The following STPG2 variants were observed in gnomAD, a reference collection of about 807,000 sequenced individuals.
The protein encoded by STPG2 is sperm-tail PG-rich repeat-containing protein 2.
Under a neutral mutation model 54.2 loss-of-function variants are expected in STPG2, and 56 were observed. The ratio of observed to expected loss-of-function variants is 1.03; its 90% CI spans 0.83 to 1.29. STPG2 has a LOEUF of 1.29. Ranked by LOEUF, STPG2 falls within the 50% of genes most tolerant of loss-of-function variation. STPG2 has a pLI of 0.00. For synonymous variants in STPG2, 200 were observed against 181.8 expected (o/e 1.10, Z -0.81); for missense variants, 596 against 544.9 (o/e 1.09, Z -0.93).
chr4:97,916,374 GC>G (rs1731875614), intron 8 of STPG2: 1 of 152,582 alleles, frequency 6.6e-6, no homozygotes, highest in Non-Finnish European at 1.5e-5. Flanking sequence ...GAAGCACCTT[GC>G]CCATGGATTT....
chr4:97,844,267 G>A (rs900964085), intron 8 of STPG2, among the ~76,000 whole-genome samples: 4 of 151,888 alleles, frequency 2.6e-5, no homozygotes, highest in African/African-American at 9.7e-5. Context: ...CTCAGCCACA[G>A]AAAGGAATGG....
At position 97,531,697 on chromosome 4, in the gene STPG2, G is replaced by A. The variant is rs1731417791; in HGVS notation, c.462+181002C>T. Among the ~76,000 whole-genome samples, 3 of 152,264 alleles carry A rather than the reference G, an allele frequency of 2.0e-5. No individual in the cohort carries two copies. The South Asian group carries it at 6.2e-4, about 32-fold the overall frequency. On this transcript the variant is annotated intron_variant, in intron 4 of 4. Transcript: ENST00000522676. ...CATGGAGAAAGAGAGTAGAGGTATA[G>A]TTACCAGAGGCTGGGAAGGGTAATG...
chr4:97,926,122 T>C (rs1252896112), intron 8 of STPG2, among the ~76,000 whole-genome samples: 2 of 152,162 alleles, frequency 1.3e-5, no homozygotes, highest in Non-Finnish European at 2.9e-5. Context: ...TTATGCATTT[T>C]GATCTGCAGT....
chr4:97,981,202 A>T lies in STPG2; in HGVS notation c.729T>A (p.Ser243Arg), dbSNP rs1001565083. The change falls in exon 6 of 11, where the codon AGT becomes AGA. Residue 243 changes from serine to arginine, a missense_variant. Ser to Arg is a moderately radical substitution (Grantham distance 110). Coordinates refer to ENST00000295268, the MANE Select transcript of STPG2 (RefSeq NM_174952.3). ...SGLKNIPFGQSAVRFTQDIRT... is the reference protein window; with the variant it reads ...SGLKNIPFGQRAVRFTQDIRT... The stretch of plus-strand genomic sequence containing the variant: ...TGATGTCCTGTGTGAATCGAACAGC[A>T]CTTTGACCAAATGGAATATTTTTCA... 1.9e-6 allele frequency: 3 copies of T among 1,613,912 alleles called. No homozygotes were observed. Among genetic ancestry groups the T allele is most frequent in the Admixed American group, 1.7e-5 (1 of 60,004 alleles).
At position 97,463,216 on chromosome 4, in the gene STPG2, C is replaced by T. The variant is rs57900404; in HGVS notation, c.462+249483G>A. ...TTATCTTTTTGAATTGTATTGTAAC[C>T]GATACCTCACATTTACCTTTACTTC... On this transcript the variant is annotated intron_variant, in intron 4 of 4. Coordinates refer to the STPG2 transcript ENST00000522676. 7.5e-3 allele frequency among the ~76,000 whole-genome samples: 1,137 copies of T among 152,118 alleles called. 14 individuals are homozygous for T. Among genetic ancestry groups the T allele is most frequent in the African/African-American group, 0.026 (1,060 of 41,496 alleles).
chr4:97,710,100 C>T (rs894274459), intron 10 of STPG2, among the ~76,000 whole-genome samples: 2 of 130,016 alleles, frequency 1.5e-5, no homozygotes, highest in African/African-American at 6.0e-5. Flanking sequence ...GATTAATAAA[C>T]CTTCTAAAAT....
chr4:97,630,313 T>C (rs1261531049), intron 10 of STPG2, among the ~76,000 whole-genome samples: 1 of 151,912 alleles, frequency 6.6e-6, no homozygotes, highest in Non-Finnish European at 1.5e-5. Context: ...TTTAATATAC[T>C]TTTTGTTTTA....
At chr4:97,608,318 T>C (rs567169377) in intron 10 of STPG2, among the ~76,000 whole-genome samples, 1 of 151,996 alleles carries the variant, frequency 6.6e-6, no homozygotes, top group South Asian at 2.1e-4. Context: ...TAGCATAAAA[T>C]TGAAGGTGCC....
chr4:97,865,657 C>T (rs923417314), intron 8 of STPG2, among the ~76,000 whole-genome samples: 1 of 151,480 alleles, frequency 6.6e-6, no homozygotes, highest in Non-Finnish European at 1.5e-5. Context: ...ACAATGAGAA[C>T]ACTTGGACTC....
intron 10 of STPG2, among the ~76,000 whole-genome samples, chr4:97,560,824 AG>A: frequency 6.6e-6 from 1 of 152,168 alleles, no homozygotes; most frequent in East Asian, 1.9e-4. Flanking sequence ...AATTGAGGGG[AG>A]GGGGGAACGA....
In STPG2 at chr4:98,014,070, G is replaced by A. The variant is rs113524101; in HGVS notation, c.613-32752C>T. On this transcript the variant is annotated intron_variant, in intron 5 of 10. Transcript: ENST00000295268. ...GCTTTAGTTGTGATGTGAGGGTGTC[G>A]ATTTGAGATCCTTCTATCTTTCCCT... is the stretch of plus-strand genomic sequence containing the variant. 9.7e-4 allele frequency among the ~76,000 whole-genome samples: 147 copies of A among 152,058 alleles called. 3 individuals carry two copies. In the East Asian group the frequency reaches 0.026, roughly 27 times the overall value.
intron 7 of STPG2, among the ~76,000 whole-genome samples, chr4:97,945,161 G>A (rs1017691134): frequency 1.3e-5 from 2 of 151,972 alleles, no homozygotes; most frequent in Non-Finnish European, 2.9e-5. Flanking sequence ...CATCACCCAC[G>A]TAGTGTACAT....
At chr4:97,742,882 A>G (rs191566318) in intron 9 of STPG2, among the ~76,000 whole-genome samples, 13 of 151,730 alleles carry the variant, frequency 8.6e-5, no homozygotes, top group Middle Eastern at 3.4e-3. Flanking sequence ...GTATACTAGA[A>G]ATTTGCTGAG....
In STPG2 at chr4:97,797,295, G is replaced by A. The variant is rs528352229; in HGVS notation, c.1204+43478C>T. Among the ~76,000 whole-genome samples the A allele has an allele frequency of 4.6e-5, 7 of 152,232 alleles. No homozygotes were observed. The South Asian group carries it at 1.0e-3, about 23-fold the overall frequency. On this transcript the variant is annotated intron_variant, in intron 9 of 10. Coordinates refer to ENST00000295268, the MANE Select transcript of STPG2 (RefSeq NM_174952.3). The stretch of plus-strand genomic sequence containing the variant: ...TTCAAAGGGAATGCTTCCAGTTTTT[G>A]CCCATTCAGTATGATATTGGCTGTG...
intron 10 of STPG2, among the ~76,000 whole-genome samples, chr4:97,621,784 A>G (rs1345234952): frequency 2.0e-5 from 3 of 152,214 alleles, no homozygotes; most frequent in South Asian, 2.1e-4. Context: ...CTATGAGGAC[A>G]GCATTATCCT....
chr4:97,816,395 C>T (rs1727911870), intron 9 of STPG2, among the ~76,000 whole-genome samples: 1 of 152,064 alleles, frequency 6.6e-6, no homozygotes, highest in Admixed American at 6.6e-5. Context: ...GGTATATACC[C>T]AATAATGGGA....
At chr4:97,799,283 G>T (rs868536010) in intron 9 of STPG2, among the ~76,000 whole-genome samples, 18 of 152,340 alleles carry the variant, frequency 1.2e-4, no homozygotes, top group East Asian at 1.9e-4. Context: ...AGCATCGATG[G>T]TCTTTACAGT....
chr4:98,017,451 C>G (rs1735995514), intron 5 of STPG2, among the ~76,000 whole-genome samples: 1 of 152,142 alleles, frequency 6.6e-6, no homozygotes, highest in Non-Finnish European at 1.5e-5. Context: ...GACTATGAGG[C>G]AAAGTGAGGT....
chr4:97,923,444 G>T (rs1472717039), intron 8 of STPG2, among the ~76,000 whole-genome samples: 3 of 152,256 alleles, frequency 2.0e-5, no homozygotes, highest in Non-Finnish European at 4.4e-5. Flanking sequence ...TCCACCTGTG[G>T]CCCCAGTGCT....
Sources: gnomAD v4.1 joint callset for allele counts (sites outside exome capture counted in the v4.1 genomes callset) on GRCh38, gnomAD v4.1.1 for gene constraint, MANE v1.5 for transcripts, NCBI Gene and HGNC (gene_info 2026-07-23, HGNC 2026-07-21) for gene names.